PPFIA2: variants seen among roughly 807,000 people sequenced by gnomAD.
The protein encoded by PPFIA2 is PPFI scaffold protein A2.
PPFIA2 carries 46 observed loss-of-function variants against 175.5 expected under a neutral mutation model. The observed-to-expected ratio is 0.26, with a 90% CI of 0.21 to 0.34. The LOEUF is 0.34. PPFIA2 is among the 10% of genes least tolerant of loss of function. The pLI, the probability that PPFIA2 is intolerant of heterozygous loss-of-function variation, is 1.00. For synonymous variants in PPFIA2, 568 were observed against 511.4 expected, an observed-to-expected ratio of 1.11 and a Z score of -1.49; for missense variants, 1,179 against 1,506.1, an observed-to-expected ratio of 0.78 and a Z score of 3.60.
At chr12:81,744,585 G>A (rs760458064) in intron 3 of PPFIA2, among the ~76,000 whole-genome samples, 30 of 151,954 alleles carry the variant, frequency 2.0e-4, no homozygotes, top group South Asian at 4.1e-4. Context: ...ACTATGCCCC[G>A]CTAATTTTTT....
intron 7 of PPFIA2, among the ~76,000 whole-genome samples, chr12:81,428,428 C>T (rs916564930): frequency 2.6e-5 from 4 of 151,860 alleles, no homozygotes; most frequent in African/African-American, 4.8e-5. Context: ...TACCTATCTT[C>T]TTTGTTGGAT....
At chr12:81,695,027 C>T (rs1415116657) in intron 3 of PPFIA2, among the ~76,000 whole-genome samples, 11 of 152,150 alleles carry the variant, frequency 7.2e-5, no homozygotes, top group Non-Finnish European at 1.6e-4. Context: ...TGCCTAATGC[C>T]TATAACTGCA....
chr12:81,622,980 T>C (rs1182234615), intron 4 of PPFIA2, among the ~76,000 whole-genome samples: 1 of 152,124 alleles, frequency 6.6e-6, no homozygotes, highest in Admixed American at 6.6e-5. Flanking sequence ...TTACCCATTA[T>C]AGGAAAACAT....
At chr12:81,401,199 C>A (rs2142734201) in intron 8 of PPFIA2, among the ~76,000 whole-genome samples, 1 of 152,038 alleles carries the variant, frequency 6.6e-6, no homozygotes, top group Non-Finnish European at 1.5e-5. Context: ...GAATAGGGCC[C>A]ATTTCTTAGC....
At chr12:81,325,996 C>T in intron 21 of PPFIA2, 126 bp from the exon 22 acceptor site, 1 of 633,820 alleles carries the variant, frequency 1.6e-6, no homozygotes, top group Admixed American at 2.5e-5. Context: ...CCTTATATTA[C>T]TAACCCAAGA....
At chr12:81,366,910 T>C (rs1306685058) in intron 14 of PPFIA2, among the ~76,000 whole-genome samples, 198 bp downstream of exon 14, 1 of 151,642 alleles carries the variant, frequency 6.6e-6, no homozygotes, top group Non-Finnish European at 1.5e-5. Flanking sequence ...TAATTTTTGG[T>C]GAATTTGGGT....
chr12:81,349,084 T>C (rs138169135), intron 17 of PPFIA2, among the ~76,000 whole-genome samples: 55 of 152,302 alleles, frequency 3.6e-4, no homozygotes, highest in African/African-American at 1.3e-3. Flanking sequence ...ACGTTTACTA[T>C]GGGAAGTTGA....
Position 81,705,470 on chromosome 12 carries a change from AAAAAG to A in PPFIA2, c.250-28631_250-28627del, listed in dbSNP as rs945782867. On this transcript the variant is annotated intron_variant, in intron 3 of 32. Transcript: ENST00000549396. ...AGACTAGGTCTCAAAAAAAAAAAAA[AAAAAG>A]AAAAGAAAAGAAAAGGAAGATACAG... Among the ~76,000 whole-genome samples the A allele has an allele frequency of 5.4e-4, 81 of 150,528 alleles. 1 individual carries two copies. The highest frequency in any genetic ancestry group is 6.6e-4 in the Non-Finnish European group (44 of 67,164).
At chr12:81,330,155 T>C (rs764294684) in intron 21 of PPFIA2, among the ~76,000 whole-genome samples, 1 of 151,990 alleles carries the variant, frequency 6.6e-6, no homozygotes, top group African/African-American at 2.4e-5. Flanking sequence ...GGGAAGGCCA[T>C]GAACAGAGGA....
At chr12:81,548,182 T>G (rs2067282625) in intron 4 of PPFIA2, among the ~76,000 whole-genome samples, 1 of 152,168 alleles carries the variant, frequency 6.6e-6, no homozygotes, top group Non-Finnish European at 1.5e-5. Flanking sequence ...CCAAGATTCG[T>G]TGACTCCAAA....
At chr12:81,351,832 G>C (rs960413529) in intron 17 of PPFIA2, among the ~76,000 whole-genome samples, 2 of 151,964 alleles carry the variant, frequency 1.3e-5, no homozygotes, top group Admixed American at 6.6e-5. Context: ...TTGAGACTGG[G>C]AGGTTGTGGG....
intron 32 of PPFIA2, among the ~76,000 whole-genome samples, chr12:81,261,592 C>T (rs2136093303): frequency 6.6e-6 from 1 of 152,240 alleles, no homozygotes; most frequent in Non-Finnish European, 1.5e-5. Flanking sequence ...AAAATATACA[C>T]TTAAAAAGAT....
intron 8 of PPFIA2, among the ~76,000 whole-genome samples, chr12:81,393,822 C>T (rs565233152): frequency 6.6e-6 from 1 of 152,188 alleles, no homozygotes; most frequent in Admixed American, 6.6e-5. Flanking sequence ...AATTTGGGAA[C>T]ATGAGTATGA....
At chr12:81,419,120 C>G (rs1037077876) in intron 7 of PPFIA2, among the ~76,000 whole-genome samples, 5 of 151,940 alleles carry the variant, frequency 3.3e-5, no homozygotes, top group Non-Finnish European at 5.9e-5. Flanking sequence ...TCTTTGGTTA[C>G]TGATATGCCC....
intron 3 of PPFIA2, among the ~76,000 whole-genome samples, chr12:81,709,968 T>C (rs1020778257): frequency 1.3e-5 from 2 of 152,050 alleles, no homozygotes; most frequent in African/African-American, 4.8e-5. Flanking sequence ...ATATAAATCT[T>C]GGCCATATTG....
chr12:81,696,926 T>C (rs942383528), intron 3 of PPFIA2, among the ~76,000 whole-genome samples: 2 of 152,002 alleles, frequency 1.3e-5, no homozygotes, highest in Non-Finnish European at 2.9e-5. Flanking sequence ...AGTCCTACCT[T>C]TTGACCTTAA....
At chr12:81,443,549 T>C (rs149110379) in intron 6 of PPFIA2, among the ~76,000 whole-genome samples, 46 of 152,254 alleles carry the variant, frequency 3.0e-4, no homozygotes, top group African/African-American at 1.0e-3. Context: ...TTAAATGTAC[T>C]CACACGACCA....
rs573656431 is a variant in PPFIA2 at position 81,603,872 on chromosome 12, A to G, written c.303+72919T>C. Reference sequence around the variant, plus strand: ...GCCCTGTCCATTACACCTGTCCCTTACTGTTTTCCTTTCTCTTCCACATTT... The same window carrying G: ...GCCCTGTCCATTACACCTGTCCCTTGCTGTTTTCCTTTCTCTTCCACATTT... On this transcript the variant is annotated intron_variant, in intron 4 of 32. Coordinates refer to ENST00000549396, the MANE Select transcript of PPFIA2 (RefSeq NM_003625.5). 6.1e-5 allele frequency among the ~76,000 whole-genome samples: 9 copies of G among 147,948 alleles called. No individual in the cohort carries two copies. In the South Asian group the frequency reaches 1.7e-3, roughly 28 times the overall value.
intron 7 of PPFIA2, among the ~76,000 whole-genome samples, chr12:81,428,000 C>A (rs1255004627): frequency 6.6e-6 from 1 of 151,894 alleles, no homozygotes; most frequent in Non-Finnish European, 1.5e-5. Flanking sequence ...TTTTATCTTG[C>A]CTCTCACCAA....
Sources: allele counts gnomAD v4.1 joint callset (sites outside exome capture counted in the v4.1 genomes callset), GRCh38; gene constraint gnomAD v4.1.1; transcripts MANE v1.5; gene names NCBI Gene and HGNC (gene_info 2026-07-23, HGNC 2026-07-21).